ST6GALNAC3: variants seen among roughly 807,000 people sequenced by gnomAD.
ST6GALNAC3 encodes the protein alpha-N-acetylgalactosaminide alpha-2,6-sialyltransferase 3.
Under a neutral mutation model 32.7 loss-of-function variants are expected in ST6GALNAC3, and 25 were observed. That is an observed-to-expected ratio of 0.76 (90% confidence interval 0.56 to 1.07). The LOEUF is 1.07. Among genes scored for constraint, ST6GALNAC3 ranks in the 50% least tolerant of loss-of-function variants. ST6GALNAC3 has a pLI of 0.00. For synonymous variants in ST6GALNAC3, 129 were observed against 133.1 expected (o/e 0.97, Z 0.21); for missense variants, 355 against 382.4 (o/e 0.93, Z 0.60).
At chr1:76,545,402 C>T (rs555805100) in intron 3 of ST6GALNAC3, among the ~76,000 whole-genome samples, 5 of 152,194 alleles carry the variant, frequency 3.3e-5, no homozygotes, top group East Asian at 1.9e-4. Context: ...TACTGTCATT[C>T]GTCGTAGTAT....
chr1:76,139,149 G>C (rs1010198825), intron 1 of ST6GALNAC3, among the ~76,000 whole-genome samples: 1 of 151,372 alleles, frequency 6.6e-6, no homozygotes, highest in African/African-American at 2.4e-5. Context: ...AGCCGAGATC[G>C]CGCCACTGCA....
intron 2 of ST6GALNAC3, among the ~76,000 whole-genome samples, chr1:76,360,472 G>A (rs987973175): frequency 6.6e-6 from 1 of 152,120 alleles, no homozygotes; most frequent in African/African-American, 2.4e-5. Context: ...GTTAATAACT[G>A]CTGCTTTGTT....
chr1:76,471,742 CT>C (rs1659044507), intron 3 of ST6GALNAC3, among the ~76,000 whole-genome samples: 1 of 152,030 alleles, frequency 6.6e-6, no homozygotes, highest in Admixed American at 6.6e-5. Context: ...GAGCCATTTC[CT>C]TTTGTTTTAC....
chr1:76,079,394 C>A (rs185842966), intron 1 of ST6GALNAC3, among the ~76,000 whole-genome samples: 18 of 152,240 alleles, frequency 1.2e-4, no homozygotes, highest in African/African-American at 4.1e-4. Flanking sequence ...TACCCTTGGT[C>A]AGCAGGTACA....
intron 2 of ST6GALNAC3, chr1:76,353,591 T>C (rs1316837588): frequency 1.3e-5 from 2 of 156,448 alleles, no homozygotes; most frequent in Non-Finnish European, 2.9e-5. Context: ...AGCTGTGAGA[T>C]AGAACTGGGG....
chr1:76,626,904 C>A (rs375405672), intron 3 of ST6GALNAC3, among the ~76,000 whole-genome samples: 1 of 151,908 alleles, frequency 6.6e-6, no homozygotes, highest in African/African-American at 2.4e-5. Flanking sequence ...AAGGAAAAGT[C>A]TTGTCTTATA....
At chr1:76,112,189 G>A (rs1443264980) in intron 1 of ST6GALNAC3, among the ~76,000 whole-genome samples, 1 of 143,458 alleles carries the variant, frequency 7.0e-6, no homozygotes, top group African/African-American at 2.6e-5. Flanking sequence ...CAGTAGGGGC[G>A]GCCGGGCAGA....
chr1:76,097,127 C>G (rs908507219), intron 1 of ST6GALNAC3, among the ~76,000 whole-genome samples: 4 of 152,180 alleles, frequency 2.6e-5, no homozygotes, highest in Non-Finnish European at 4.4e-5. Context: ...CCATGTTGGC[C>G]AGGCTGGTCT....
chr1:76,505,539 A>G (rs2101738713), intron 3 of ST6GALNAC3, among the ~76,000 whole-genome samples: 1 of 152,344 alleles, frequency 6.6e-6, no homozygotes, highest in East Asian at 1.9e-4. Flanking sequence ...TCATTCACTT[A>G]TAAATAGCTC....
At chr1:76,120,542 AC>A (rs1294130526) in intron 1 of ST6GALNAC3, among the ~76,000 whole-genome samples, 1 of 152,160 alleles carries the variant, frequency 6.6e-6, no homozygotes, top group African/African-American at 2.4e-5. Flanking sequence ...AGAAGATATA[AC>A]CCCCATTTTG....
chr1:76,477,302 C>T (rs953676108), intron 3 of ST6GALNAC3, among the ~76,000 whole-genome samples: 1 of 152,042 alleles, frequency 6.6e-6, no homozygotes, highest in East Asian at 1.9e-4. Flanking sequence ...TCTGAATCTT[C>T]CAATTTTCCA....
In ST6GALNAC3 at chr1:76,630,398, A is replaced by C. The variant is rs1271385293; in HGVS notation, c.*1592A>C. ...AGGGACAACAGGAGGAAATGAAGGC[A>C]GAGAAATATAGTTTCCTTTCCTAGG... On this transcript the variant is annotated 3_prime_UTR_variant, in exon 5 of 5. Transcript: ENST00000328299. 1 of 985,154 alleles carries C rather than the reference A, an allele frequency of 1.0e-6. No individual in the cohort carries two copies. The highest frequency in any genetic ancestry group is 1.7e-5 in the African/African-American group (1 of 57,196). 61.0% of individuals were successfully genotyped at this position (985,154 alleles called of 1,614,324 possible).
chr1:76,506,692 A>G (rs925252168), intron 3 of ST6GALNAC3, among the ~76,000 whole-genome samples: 7 of 152,164 alleles, frequency 4.6e-5, no homozygotes, highest in Non-Finnish European at 1.0e-4. Flanking sequence ...AGGGCGTTTC[A>G]GGTTCCAGGC....
At chr1:76,492,284 A>G (rs541655341) in intron 3 of ST6GALNAC3, among the ~76,000 whole-genome samples, 1 of 152,314 alleles carries the variant, frequency 6.6e-6, no homozygotes, top group South Asian at 2.1e-4. Flanking sequence ...ACAAATAAAT[A>G]TAACACATAT....
chr1:76,236,587 C>T (rs1656674032), intron 1 of ST6GALNAC3, among the ~76,000 whole-genome samples: 1 of 152,158 alleles, frequency 6.6e-6, no homozygotes, highest in Non-Finnish European at 1.5e-5. Context: ...CCAGTATCTT[C>T]AGTTTACAAA....
intron 1 of ST6GALNAC3, among the ~76,000 whole-genome samples, chr1:76,280,915 C>G (rs904155442): frequency 2.6e-5 from 4 of 152,204 alleles, no homozygotes; most frequent in African/African-American, 9.6e-5. Context: ...CACCTTACTT[C>G]CCTCCACCCA....
At chr1:76,239,081 C>T (rs988441855) in intron 1 of ST6GALNAC3, among the ~76,000 whole-genome samples, 1 of 151,854 alleles carries the variant, frequency 6.6e-6, no homozygotes. Flanking sequence ...CCAGCTGTCT[C>T]CTGGGGTTCT....
intron 3 of ST6GALNAC3, among the ~76,000 whole-genome samples, chr1:76,486,229 G>A (rs1025327306): frequency 2.0e-5 from 3 of 151,930 alleles, no homozygotes; most frequent in African/African-American, 7.2e-5. Context: ...TTCTGTAGAT[G>A]TCTATTAGGT....
At chr1:76,528,721 T>A (rs1477956673) in intron 3 of ST6GALNAC3, among the ~76,000 whole-genome samples, 1 of 151,742 alleles carries the variant, frequency 6.6e-6, no homozygotes, top group African/African-American at 2.4e-5. Flanking sequence ...CATCCATGCC[T>A]GAAGTGAGGC....
Sources: gnomAD v4.1 joint callset for allele counts (sites outside exome capture counted in the v4.1 genomes callset) on GRCh38, gnomAD v4.1.1 for gene constraint, MANE v1.5 for transcripts, NCBI Gene and HGNC (gene_info 2026-07-23, HGNC 2026-07-21) for gene names.